Variants in FBXO3 observed in about 807,000 individuals in gnomAD.
The protein encoded by FBXO3 is F-box protein 3, also known as F-box only protein 3.
A neutral mutation model predicts 64.8 loss-of-function variants in FBXO3; 17 were observed. That is an observed-to-expected ratio of 0.26 (90% CI 0.18 to 0.39). The LOEUF (loss-of-function observed/expected upper bound fraction) is 0.39, where lower values mean the gene tolerates loss of function less well. FBXO3 is among the 10% of genes least tolerant of loss of function. FBXO3 has a pLI of 1.00. For synonymous variants in FBXO3, 182 were observed against 201.6 expected (o/e 0.90, Z 0.82); for missense variants, 420 against 589.9 (o/e 0.71, Z 2.98).
Position 33,768,700 on chromosome 11 carries a change from TC to T in FBXO3, c.358+150del, listed in dbSNP as rs1444841265. On this transcript the variant is annotated intron_variant, in intron 3 of 10. Transcript: ENST00000265651. ...AACAGGGTAAGCACTAGAGTGAAGG[TC>T]CTACTTCCATGGCCAAATATGAACA... 3.0e-5 allele frequency: 25 copies of T among 847,246 alleles called. No homozygotes were observed. The African/African-American group carries it at 3.2e-4, about 11-fold the overall frequency. The allele number at this position is 847,246 out of a possible 1,614,324, so 52.5% of individuals were successfully genotyped here. A position where few individuals can be genotyped will look rare whatever the true frequency, so the allele number is the denominator to read the frequency against.
intron 3 of FBXO3, among the ~76,000 whole-genome samples, chr11:33,764,061 C>CTA (rs1242994755): frequency 6.6e-6 from 1 of 152,094 alleles, no homozygotes; most frequent in Non-Finnish European, 1.5e-5. Flanking sequence ...CTCATAGAGA[C>CTA]ATCAACAATG....
At position 33,741,921 on chromosome 11, in the gene FBXO3, G is replaced by A; in HGVS notation, c.1403C>T (p.Ser468Leu). 3 of 1,611,970 alleles carry A rather than the reference G, an allele frequency of 1.9e-6. No homozygotes were observed. Among genetic ancestry groups the A allele is most frequent in the Non-Finnish European group, 2.5e-6 (3 of 1,178,998 alleles). The stretch of plus-strand genomic sequence containing the variant: ...GCAGAAGGCTTGCTAAAAAAGGCGT[G>A]AGCAGCGGCGTCTGCGAATGGGAAC... ...FDVPIRRRRC[S>L]RLF Residue 468 changes from serine to leucine, a missense_variant, in exon 11 of 11, where the codon TCA becomes TTA. Coordinates refer to ENST00000265651, the MANE Select transcript of FBXO3 (RefSeq NM_012175.4).
chr11:33,750,601 T>C lies in FBXO3; in HGVS notation c.870A>G (p.Thr290=), dbSNP rs199870064. ...TTGDITVSVS[T]SFLPELSSVH... is the part of the protein sequence containing the mutation. ...CAGAGCTAAGTTCTGGCAGAAACGATGTGGAAACTGACACAGTAATATCCC... is the reference window on the plus strand; with the variant it reads ...CAGAGCTAAGTTCTGGCAGAAACGACGTGGAAACTGACACAGTAATATCCC... The change falls in exon 8 of 11, where the codon ACA becomes ACG. Residue 290 remains threonine (T), a synonymous_variant. Transcript: ENST00000265651. 1.2e-6 allele frequency: 2 copies of C among 1,613,932 alleles called. No individual in the cohort carries two copies. The highest frequency in any genetic ancestry group is 2.7e-5 in the African/African-American group (2 of 75,054).
chr11:33,760,353 T>C (rs921330293), intron 3 of FBXO3, among the ~76,000 whole-genome samples: 2 of 151,942 alleles, frequency 1.3e-5, no homozygotes, highest in African/African-American at 2.4e-5. Context: ...GCAGAAACAA[T>C]AGAAGTTAGC....
At chr11:33,757,023 C>A (rs372130031) in intron 4 of FBXO3, 1 of 518,848 alleles carries the variant, frequency 1.9e-6, no homozygotes, top group Non-Finnish European at 3.8e-6. Flanking sequence ...AGCGACCACA[C>A]CCTGCCCCCA....
chr11:33,762,391 G>A (rs1038306606), intron 3 of FBXO3, among the ~76,000 whole-genome samples: 14 of 151,898 alleles, frequency 9.2e-5, no homozygotes, highest in South Asian at 6.2e-4. Flanking sequence ...ATCACATACC[G>A]GACCACAGAA....
At chr11:33,756,793 G>A (rs926732869) in intron 4 of FBXO3, among the ~76,000 whole-genome samples, 1 of 152,056 alleles carries the variant, frequency 6.6e-6, no homozygotes, top group East Asian at 1.9e-4. Flanking sequence ...CCAGGCTGGA[G>A]TGCAGTGCTT....
intron 5 of FBXO3, 123 bp downstream of exon 5, chr11:33,755,648 G>A: frequency 1.4e-6 from 1 of 719,492 alleles, no homozygotes; most frequent in Non-Finnish European, 2.4e-6. Flanking sequence ...AGTTAGAGAG[G>A]TCTATAACTA....
intron 7 of FBXO3, among the ~76,000 whole-genome samples, chr11:33,751,059 A>G (rs1406289787): frequency 6.6e-6 from 1 of 152,208 alleles, no homozygotes; most frequent in African/African-American, 2.4e-5. Flanking sequence ...AGAAGCCTCT[A>G]ATGTATAATC....
At chr11:33,771,054 T>C (rs970970905) in intron 1 of FBXO3, 5 of 390,650 alleles carry the variant, frequency 1.3e-5, no homozygotes, top group Admixed American at 3.8e-5. Context: ...CCCTGAAACA[T>C]CTACAACTGT....
In FBXO3 at chr11:33,741,918, C is replaced by T. The variant is rs138194845; in HGVS notation, c.1406G>A (p.Arg469His). The change falls in exon 11 of 11, where the codon CGC becomes CAC. Residue 469 changes from arginine to histidine, a missense_variant. Arg to His is a conservative substitution (Grantham distance 29). Around this residue, in one of 3 missense-constraint regions of FBXO3, gnomAD observed 57 missense variants for 55.4 expected, o/e 1.03. Coordinates refer to ENST00000265651, the MANE Select transcript of FBXO3 (RefSeq NM_012175.4). ...DVPIRRRRCS[R>H]LF is the part of the protein sequence containing the mutation. ...TCAGCAGAAGGCTTGCTAAAAAAGGCGTGAGCAGCGGCGTCTGCGAATGGG... is the reference window on the plus strand; with the variant it reads ...TCAGCAGAAGGCTTGCTAAAAAAGGTGTGAGCAGCGGCGTCTGCGAATGGG... 22 of 1,609,764 alleles carry T rather than the reference C, an allele frequency of 1.4e-5. No homozygotes were observed. The highest frequency in any genetic ancestry group is 2.2e-5 in the South Asian group (2 of 90,274).
intron 9 of FBXO3, among the ~76,000 whole-genome samples, 187 bp downstream of exon 9, chr11:33,748,590 A>C (rs746031712): frequency 9.2e-5 from 14 of 152,270 alleles, no homozygotes; most frequent in Non-Finnish European, 1.8e-4. Flanking sequence ...AAAATAAAAT[A>C]AAATCCACAA....
At chr11:33,770,690 G>T in intron 2 of FBXO3, 51 bp downstream of exon 2, 2 of 1,389,398 alleles carry the variant, frequency 1.4e-6, no homozygotes, top group Non-Finnish European at 2.0e-6. Flanking sequence ...CTAGTGTTAT[G>T]GAAGAAGCCA....
intron 7 of FBXO3, 130 bp from the exon 8 acceptor site, chr11:33,750,791 G>T: frequency 1.3e-6 from 1 of 779,132 alleles, no homozygotes; most frequent in South Asian, 2.0e-5. Flanking sequence ...AATAATATTT[G>T]GGTATAGTCC....
chr11:33,750,647 G>C lies in FBXO3; in HGVS notation c.824C>G (p.Pro275Arg). ...ATCCCCAGTTGTTGCTACACATTCTGGATCGTGAACATATCTAGGTAATTT... is the reference window on the plus strand; with the variant it reads ...ATCCCCAGTTGTTGCTACACATTCTCGATCGTGAACATATCTAGGTAATTT... ...RDQIFRYVHD[P>R]ECVATTGDIT... The change falls in exon 8 of 11, where the codon CCA becomes CGA. Residue 275 changes from proline (P) to arginine (R), a missense_variant. By Grantham distance (103) the Pro-to-Arg change is moderately radical. Around this residue, in one of 3 missense-constraint regions of FBXO3, gnomAD observed 337 missense variants for 518.4 expected, o/e 0.65. Transcript: ENST00000265651. 6.2e-7 allele frequency: 1 copy of C among 1,612,674 alleles called. No homozygotes were observed. Among genetic ancestry groups the C allele is most frequent in the Non-Finnish European group, 8.5e-7 (1 of 1,179,012 alleles).
chr11:33,746,627 G>A (rs1313110399), intron 10 of FBXO3: 7 of 754,422 alleles, frequency 9.3e-6, no homozygotes, highest in South Asian at 5.9e-5. Flanking sequence ...TAAGGTTGGA[G>A]TTACTGTTAC....
In FBXO3 at chr11:33,769,230, C is replaced by A. The variant is rs563011940; in HGVS notation, c.195-216G>T. On this transcript the variant is annotated intron_variant, in intron 2 of 10. Coordinates refer to ENST00000265651, the MANE Select transcript of FBXO3 (RefSeq NM_012175.4). The stretch of plus-strand genomic sequence containing the variant: ...TGGAATTGCTAGGCACTCATTTTCT[C>A]CTTTTCTTTCTACTTATTTTTTTTC... 2.4e-3 allele frequency among the ~76,000 whole-genome samples: 372 copies of A among 152,074 alleles called. 2 individuals carry two copies. Among genetic ancestry groups the A allele is most frequent in the African/African-American group, 8.6e-3 (355 of 41,484 alleles).
intron 6 of FBXO3, 95 bp downstream of exon 6, chr11:33,754,360 C>G: frequency 1.0e-6 from 1 of 986,348 alleles, no homozygotes; most frequent in Non-Finnish European, 1.5e-6. Context: ...AAATTGCCAG[C>G]TGCTAAAGTA....
intron 1 of FBXO3, chr11:33,771,964 G>GTCA (rs1855522069): frequency 6.6e-6 from 1 of 152,158 alleles, no homozygotes; most frequent in Non-Finnish European, 1.5e-5. Context: ...TGATCCAGTC[G>GTCA]GTTTGGACTG....
Sources: allele counts gnomAD v4.1 joint callset (sites outside exome capture counted in the v4.1 genomes callset), GRCh38; gene constraint gnomAD v4.1.1; regional missense constraint gnomAD v4.1.1; transcripts MANE v1.5; gene names NCBI Gene and HGNC (gene_info 2026-07-23, HGNC 2026-07-21).